Variants in ZNF362 observed in about 807,000 individuals in gnomAD.
ZNF362 encodes zinc finger protein 362.
Under a neutral mutation model 42.9 loss-of-function variants are expected in ZNF362, and 11 were observed. That is an observed-to-expected ratio of 0.26 (90% CI 0.16 to 0.42). The LOEUF is 0.42. ZNF362 is among the 20% of genes least tolerant of loss of function. The probability of loss-of-function intolerance (pLI) is 1.00; values close to 1 mark genes in which losing one functional copy is unlikely to be tolerated. For synonymous variants in ZNF362, 255 were observed against 257.3 expected, an observed-to-expected ratio of 0.99 and a Z score of 0.09; for missense variants, 362 against 576.2, an observed-to-expected ratio of 0.63 and a Z score of 3.81.
intron 6 of ZNF362, among the ~76,000 whole-genome samples, chr1:33,291,740 T>C (rs1456840148): frequency 6.6e-6 from 1 of 152,132 alleles, no homozygotes; most frequent in East Asian, 1.9e-4. Flanking sequence ...TTTTATTTAT[T>C]TATTATTGAG....
At chr1:33,155,979 C>A in the ZNF362 span, among the ~76,000 whole-genome samples, 3 of 152,220 alleles carry the variant, frequency 2.0e-5, no homozygotes, top group Non-Finnish European at 2.9e-5. Flanking sequence ...AAAGGTGAAG[C>A]CATCAGAAGA....
the ZNF362 span, among the ~76,000 whole-genome samples, chr1:33,231,120 A>T: frequency 1.3e-5 from 2 of 152,142 alleles, no homozygotes; most frequent in Admixed American, 1.3e-4. Flanking sequence ...TTGCATAATG[A>T]TCTATTTAAT....
the ZNF362 span, among the ~76,000 whole-genome samples, chr1:33,218,976 CACACAT>C: frequency 3.6e-5 from 5 of 137,214 alleles, no homozygotes; most frequent in South Asian, 4.6e-4. Flanking sequence ...CACACACACA[CACACAT>C]ACACCACCCC....
rs1645894500 is a variant in ZNF362, at chr1:33,270,474, TC to T, written c.-88-10del. On this transcript the variant is annotated splice_polypyrimidine_tract_variant and intron_variant, in intron 1 of 8. Coordinates refer to ENST00000539719, the MANE Select transcript of ZNF362 (RefSeq NM_152493.3). ...TTATTGTTATTATTGTTATTGTTAT[TC>T]CCATATACAAGGTGCTGTTGGGAAC... The T allele has an allele frequency of 1.9e-5, 13 of 679,922 alleles. No homozygotes were observed. The Admixed American group carries it at 2.9e-4, about 15-fold the overall frequency. The allele number at this position is 679,922 out of a possible 1,614,324, so 42.1% of individuals were successfully genotyped here.
chr1:33,236,067 C>T, the ZNF362 span, among the ~76,000 whole-genome samples: 1 of 152,084 alleles, frequency 6.6e-6, no homozygotes, highest in African/African-American at 2.4e-5. Context: ...CTGTGCAGCC[C>T]ACAGCAAGTG....
At chr1:33,198,926 C>T in the ZNF362 span, among the ~76,000 whole-genome samples, 1 of 152,080 alleles carries the variant, frequency 6.6e-6, no homozygotes, top group African/African-American at 2.4e-5. Context: ...GCAGTTTTGA[C>T]ACTGCAGAAG....
At chr1:33,185,556 CA>C in the ZNF362 span, among the ~76,000 whole-genome samples, 2 of 152,144 alleles carry the variant, frequency 1.3e-5, no homozygotes, top group Non-Finnish European at 2.9e-5. Context: ...TCCCAGTGTT[CA>C]GTCCTTTTAT....
At chr1:33,293,356 A>T (rs936831713) in intron 6 of ZNF362, among the ~76,000 whole-genome samples, 1 of 152,034 alleles carries the variant, frequency 6.6e-6, no homozygotes, top group Non-Finnish European at 1.5e-5. Context: ...GGGATGCTGG[A>T]CCACCTGGTG....
the ZNF362 span, chr1:33,159,745 C>T: frequency 3.3e-5 from 53 of 1,612,952 alleles, no homozygotes; most frequent in African/African-American, 4.0e-5. This position sits in a 1 kb window ranked among gnomAD's most constrained non-coding sequence, Gnocchi z 4.2. Flanking sequence ...TTCAGCCAGC[C>T]GCTCCTGCAG....
the ZNF362 span, chr1:33,195,998 T>G: frequency 6.6e-6 from 1 of 152,196 alleles, no homozygotes; most frequent in Admixed American, 6.5e-5. Context: ...TGTACTAAAA[T>G]ATTTTCTTTA....
intron 6 of ZNF362, among the ~76,000 whole-genome samples, chr1:33,288,660 G>A (rs12142578): frequency 0.091 from 13,688 of 150,408 alleles, 1,184 homozygotes; most frequent in African/African-American, 0.23. Context: ...CAGGATAATC[G>A]CTGAACTGGG....
rs1645992814 is a variant in ZNF362 at position 33,281,357 on chromosome 1, C to T, written c.684-230C>T. On this transcript the variant is annotated intron_variant, in intron 5 of 8. Transcript: ENST00000539719. The surrounding 1 kb of genome is among the most constrained non-coding windows in gnomAD (Gnocchi z 4.8). Reference sequence around the variant, plus strand: ...GGCCTGTCTTCCCTATGAGGTGTAACCTATGCTCCAGGCTCTGTAATGTTC... The same window carrying T: ...GGCCTGTCTTCCCTATGAGGTGTAATCTATGCTCCAGGCTCTGTAATGTTC... Among the ~76,000 whole-genome samples the T allele has an allele frequency of 6.6e-6, 1 of 152,162 alleles. No homozygotes were observed. Among genetic ancestry groups the T allele is most frequent in the African/African-American group, 2.4e-5 (1 of 41,428 alleles).
At chr1:33,255,591 G>C (rs997983197), upstream of ZNF362, among the ~76,000 whole-genome samples, 3 of 152,138 alleles carry the variant, frequency 2.0e-5, no homozygotes, top group African/African-American at 7.2e-5. Context: ...GCGGGAGGAG[G>C]AGTCACACAG....
At chr1:33,133,336 T>C in the ZNF362 span, among the ~76,000 whole-genome samples, 1 of 152,256 alleles carries the variant, frequency 6.6e-6, no homozygotes. Flanking sequence ...ATGTCACTCT[T>C]AAATGTCACA....
chr1:33,205,267 T>C, the ZNF362 span, among the ~76,000 whole-genome samples: 1 of 152,114 alleles, frequency 6.6e-6, no homozygotes, highest in African/African-American at 2.4e-5. Flanking sequence ...GAGGATCACT[T>C]GAGCTCAGAA....
chr1:33,179,845 T>C, the ZNF362 span, among the ~76,000 whole-genome samples: 1 of 152,128 alleles, frequency 6.6e-6, no homozygotes, highest in African/African-American at 2.4e-5. Flanking sequence ...CACAGTAAAA[T>C]AGATTTATTT....
chr1:33,197,542 G>T, the ZNF362 span, among the ~76,000 whole-genome samples: 6 of 152,172 alleles, frequency 3.9e-5, no homozygotes, highest in African/African-American at 1.4e-4. Flanking sequence ...TGAAACGATG[G>T]TTCTCAAGGC....
chr1:33,245,042 C>T, the ZNF362 span, among the ~76,000 whole-genome samples: 1 of 152,200 alleles, frequency 6.6e-6, no homozygotes, highest in East Asian at 1.9e-4. Flanking sequence ...CTCAGGCTGC[C>T]AGGACTCCTG....
chr1:33,134,860 G>A, the ZNF362 span, among the ~76,000 whole-genome samples: 1 of 152,156 alleles, frequency 6.6e-6, no homozygotes, highest in Non-Finnish European at 1.5e-5. Context: ...CATTTCTTCC[G>A]TCTTCTACTT....
Sources: allele counts gnomAD v4.1 joint callset (sites outside exome capture counted in the v4.1 genomes callset), GRCh38; gene constraint gnomAD v4.1.1; non-coding constraint Gnocchi (gnomAD v3.1); transcripts MANE v1.5; gene names NCBI Gene and HGNC (gene_info 2026-07-23, HGNC 2026-07-21).